Variants in ODF2L observed in about 807,000 individuals in gnomAD.
The protein encoded by ODF2L is outer dense fiber of sperm tails 2 like.
Under a neutral mutation model 86.3 loss-of-function variants are expected in ODF2L, and 76 were observed. The ratio of observed to expected loss-of-function variants is 0.88; its 90% CI spans 0.73 to 1.07. ODF2L has a LOEUF of 1.07. Ranked by LOEUF, ODF2L falls within the 50% of genes least tolerant of loss-of-function variation. The pLI is 0.00. For missense variants in ODF2L, 748 were observed against 717.4 expected, an observed-to-expected ratio of 1.04 and a Z score of -0.49; for synonymous variants, 241 against 231.3, an observed-to-expected ratio of 1.04 and a Z score of -0.38.
intron 8 of ODF2L, among the ~76,000 whole-genome samples, chr1:86,373,458 A>G (rs1030679932): frequency 6.7e-6 from 1 of 149,464 alleles, no homozygotes; most frequent in African/African-American, 2.4e-5. Flanking sequence ...ATACACATGC[A>G]TATATAAAAT....
At chr1:86,370,951 C>T (rs2101025757) in intron 10 of ODF2L, 67 bp downstream of exon 10, 1 of 1,007,902 alleles carries the variant, frequency 9.9e-7, no homozygotes, top group Non-Finnish European at 1.4e-6. Flanking sequence ...TTTCTTCAAG[C>T]TATTTCTACT....
At chr1:86,380,979 A>C (rs1660543422) in intron 7 of ODF2L, among the ~76,000 whole-genome samples, 1 of 151,872 alleles carries the variant, frequency 6.6e-6, no homozygotes, top group African/African-American at 2.4e-5. Flanking sequence ...ACAAAAACGA[A>C]ACAAAAAAAA....
Position 86,373,673 on chromosome 1 carries a change from G to C in ODF2L, c.811-1133C>G, listed in dbSNP as rs537436354. On this transcript the variant is annotated intron_variant, in intron 8 of 17. Transcript: ENST00000317336. ...TAACAAACACATAAGCATCAGAGGAGAAAGCCCCTGTGATATACACAGAAA... is the reference window on the plus strand; with the variant it reads ...TAACAAACACATAAGCATCAGAGGACAAAGCCCCTGTGATATACACAGAAA... 5.9e-5 allele frequency among the ~76,000 whole-genome samples: 9 copies of C among 152,066 alleles called. No individual in the cohort carries two copies. In the South Asian group the frequency reaches 1.0e-3, roughly 18 times the overall value.
intron 11 of ODF2L, among the ~76,000 whole-genome samples, chr1:86,363,146 G>A (rs1447974721): frequency 6.6e-6 from 1 of 152,202 alleles, no homozygotes; most frequent in Non-Finnish European, 1.5e-5. Context: ...TGGATTTGAT[G>A]ACAGACTGGA....
chr1:86,386,023 T>TA (rs1558060169), intron 2 of ODF2L: 1 of 153,596 alleles, frequency 6.5e-6, no homozygotes, highest in East Asian at 1.9e-4. Flanking sequence ...ATTCTATCTA[T>TA]AAACGACACC....
intron 8 of ODF2L, among the ~76,000 whole-genome samples, chr1:86,373,834 G>A (rs1329183744): frequency 6.6e-6 from 1 of 152,182 alleles, no homozygotes; most frequent in Non-Finnish European, 1.5e-5. Context: ...AGAGATACAA[G>A]TGGTAGTAGT....
intron 14 of ODF2L, 51 bp downstream of exon 13, chr1:86,356,393 C>G: frequency 6.7e-7 from 1 of 1,501,448 alleles, no homozygotes; most frequent in Non-Finnish European, 9.0e-7. Flanking sequence ...GAAATCATTC[C>G]AAAGCATTCT....
In ODF2L at chr1:86,395,789, G is replaced by T. The variant is rs566330876; in HGVS notation, c.-60+244C>A. 2.1e-4 allele frequency among the ~76,000 whole-genome samples: 32 copies of T among 152,282 alleles called. 1 individual carries two copies. In the South Asian group the frequency reaches 5.4e-3, roughly 26 times the overall value. On this transcript the variant is annotated intron_variant, in intron 1 of 17. Transcript: ENST00000317336. ...ACAAGCCCACCTCACGCTAACATTT[G>T]CCCTGATGTCCCGGGGACCACACCC...
At chr1:86,357,920 T>C (rs1393041684) in intron 13 of ODF2L, 3 of 985,048 alleles carry the variant, frequency 3.0e-6, no homozygotes, top group Non-Finnish European at 3.6e-6. Flanking sequence ...GTATGTTTCA[T>C]GAGAAAATGA....
At chr1:86,376,191 C>G in intron 8 of ODF2L, 42 bp downstream of exon 8, 2 of 1,100,296 alleles carry the variant, frequency 1.8e-6, no homozygotes, top group Non-Finnish European at 2.7e-6. Flanking sequence ...AAACTACGTA[C>G]ATAATAGATC....
intron 5 of ODF2L, 37 bp downstream of exon 5, chr1:86,383,097 G>A: frequency 7.2e-7 from 1 of 1,388,564 alleles, no homozygotes. Flanking sequence ...AACAATGACA[G>A]GAAGAATGGA....
downstream of ODF2L, chr1:86,348,912 A>G (rs770769574): frequency 2.0e-6 from 3 of 1,534,858 alleles, no homozygotes; most frequent in South Asian, 4.0e-5. Flanking sequence ...CAGATAAGCA[A>G]TAATAGCATT....
chr1:86,395,301 AAAC>A (rs1351528429), intron 1 of ODF2L, among the ~76,000 whole-genome samples: 5 of 152,142 alleles, frequency 3.3e-5, no homozygotes, highest in African/African-American at 1.2e-4. Context: ...TATTCTCAGT[AAAC>A]AACAAGCACC....
chr1:86,348,319 A>G (rs1324696691), downstream of ODF2L: 5 of 151,738 alleles, frequency 3.3e-5, no homozygotes, highest in Admixed American at 3.3e-4. Flanking sequence ...TAATTACACC[A>G]TTATTAAAAA....
intron 2 of ODF2L, chr1:86,386,261 C>A (rs1660949010): frequency 6.6e-6 from 1 of 152,086 alleles, no homozygotes; most frequent in African/African-American, 2.4e-5. Context: ...AGTAATATAC[C>A]AAATGACAGT....
intron 1 of ODF2L, among the ~76,000 whole-genome samples, chr1:86,392,508 A>G (rs1168580859): frequency 6.6e-6 from 1 of 152,244 alleles, no homozygotes; most frequent in Non-Finnish European, 1.5e-5. Context: ...AACGGCATTC[A>G]CAGCAACATG....
chr1:86,379,568 A>G (rs991493720), intron 7 of ODF2L, among the ~76,000 whole-genome samples: 1 of 152,204 alleles, frequency 6.6e-6, no homozygotes, highest in African/African-American at 2.4e-5. Context: ...CTCCCCAAAT[A>G]TATTAGGACT....
exon 17 of ODF2L, chr1:86,352,952 T>C (rs1658251527): frequency 6.5e-7 from 1 of 1,531,700 alleles, no homozygotes; most frequent in Admixed American, 1.8e-5. Flanking sequence ...AAGCACTCTC[T>C]CTAGATGACA....
intron 2 of ODF2L, 21 bp downstream of exon 2, chr1:86,386,894 C>T: frequency 8.1e-7 from 1 of 1,236,078 alleles, no homozygotes; most frequent in Non-Finnish European, 1.2e-6. Flanking sequence ...TTTAGATTTC[C>T]CCTGATACTG....
Sources: allele counts gnomAD v4.1 joint callset (sites outside exome capture counted in the v4.1 genomes callset), GRCh38; gene constraint gnomAD v4.1.1; transcripts MANE v1.5; gene names NCBI Gene and HGNC (gene_info 2026-07-23, HGNC 2026-07-21).